ZMYND11: variants seen among roughly 807,000 people sequenced by gnomAD.
The protein encoded by ZMYND11 is zinc finger MYND domain-containing protein 11.
In ZMYND11, 9 loss-of-function variants were observed where a neutral mutation model predicts 84.9. That is an observed-to-expected ratio of 0.11 (90% CI 0.06 to 0.18). The LOEUF (loss-of-function observed/expected upper bound fraction) is 0.18. Among genes scored for constraint, ZMYND11 ranks in the 10% least tolerant of loss-of-function variants. The probability of loss-of-function intolerance (pLI) is 1.00; values close to 1 mark genes in which losing one functional copy is unlikely to be tolerated. For synonymous variants in ZMYND11, 250 were observed against 244.1 expected, an observed-to-expected ratio of 1.02 and a Z score of -0.23; for missense variants, 409 against 761.0, an observed-to-expected ratio of 0.54 and a Z score of 5.44.
chr10:200,789 TGATTTAAGAAGGAAA>T (rs1564370165), intron 2 of ZMYND11, among the ~76,000 whole-genome samples: 1 of 152,228 alleles, frequency 6.6e-6, no homozygotes, highest in African/African-American at 2.4e-5. Context: ...AATATCTTGC[TGATTTAAGAAGGAAA>T]AATTGTTTTC....
intron 6 of ZMYND11, among the ~76,000 whole-genome samples, chr10:239,119 C>G (rs1398332676): frequency 6.6e-6 from 1 of 152,170 alleles, no homozygotes; most frequent in South Asian, 2.1e-4. Flanking sequence ...CCCAAGCATT[C>G]GTGCACTACC....
chr10:237,485 TAAA>T, intron 5 of ZMYND11, 97 bp from the exon 6 acceptor site: 1 of 707,264 alleles, frequency 1.4e-6, no homozygotes, highest in South Asian at 2.5e-5. Context: ...TCTACAAAAA[TAAA>T]AAATAAAAAG....
At chr10:185,823 AAAAAAC>A (rs1564340502) in intron 2 of ZMYND11, among the ~76,000 whole-genome samples, 4 of 150,708 alleles carry the variant, frequency 2.7e-5, no homozygotes, top group Admixed American at 6.6e-5. Flanking sequence ...CAAAAAAACA[AAAAAAC>A]AAAAAAACAA....
intron 2 of ZMYND11, among the ~76,000 whole-genome samples, chr10:202,973 A>G (rs961217266): frequency 6.6e-6 from 1 of 151,950 alleles, no homozygotes; most frequent in African/African-American, 2.4e-5. Context: ...AGTGCCATTA[A>G]AAAAAAACAC....
intron 1 of ZMYND11, among the ~76,000 whole-genome samples, chr10:174,691 T>C (rs1399245919): frequency 2.0e-5 from 3 of 151,838 alleles, no homozygotes; most frequent in Admixed American, 1.3e-4. Flanking sequence ...CATTCATACA[T>C]TGGTCAAAAC....
At position 249,682 on chromosome 10, in the gene ZMYND11, C is replaced by T. The variant is rs573783054; in HGVS notation, c.1686+594C>T. ...TCTGAGTGCACAGGGTCCAAGTGCT[C>T]GTCCTACAGCCGCCACAGTGCTCAG... On this transcript the variant is annotated intron_variant, in intron 14 of 14. Coordinates refer to ENST00000381604, the MANE Select transcript of ZMYND11 (RefSeq NM_001370100.5). 561 of 985,338 alleles carry T rather than the reference C, an allele frequency of 5.7e-4. 2 individuals carry two copies. The African/African-American group carries it at 7.4e-3, about 13-fold the overall frequency. The allele number at this position is 985,338 out of a possible 1,614,324, so 61.0% of individuals were successfully genotyped here.
chr10:202,770 G>A (rs561757447), intron 2 of ZMYND11, among the ~76,000 whole-genome samples: 1 of 152,234 alleles, frequency 6.6e-6, no homozygotes, highest in Non-Finnish European at 1.5e-5. Flanking sequence ...TGACCAGAAT[G>A]TATTGTTTTC....
intron 1 of ZMYND11, among the ~76,000 whole-genome samples, chr10:177,032 GTTCTT>G (rs1554767100): frequency 6.6e-6 from 1 of 152,082 alleles, no homozygotes; most frequent in Non-Finnish European, 1.5e-5. Context: ...TCAAATTGCT[GTTCTT>G]TTCTTATATC....
intron 1 of ZMYND11, among the ~76,000 whole-genome samples, chr10:150,210 T>C (rs1316930642): frequency 3.3e-5 from 5 of 152,240 alleles, no homozygotes; most frequent in African/African-American, 1.2e-4. Context: ...CTTGTACTTC[T>C]GGTAGAATTT....
intron 6 of ZMYND11, among the ~76,000 whole-genome samples, chr10:238,993 T>C (rs1950447604): frequency 6.6e-6 from 1 of 152,188 alleles, no homozygotes; most frequent in South Asian, 2.1e-4. Context: ...ACTATAAATA[T>C]ATCTTAGTAG....
intron 8 of ZMYND11, 43 bp downstream of exon 8, chr10:240,154 AATT>A: frequency 7.0e-7 from 1 of 1,434,622 alleles, no homozygotes; most frequent in Non-Finnish European, 9.6e-7. Context: ...CTATAACTGA[AATT>A]AATTTATTTC....
chr10:202,463 T>C (rs1943374455), intron 2 of ZMYND11, among the ~76,000 whole-genome samples: 1 of 152,202 alleles, frequency 6.6e-6, no homozygotes, highest in Admixed American at 6.5e-5. Flanking sequence ...CGTTAGCCCT[T>C]AGATGACACT....
chr10:178,272 A>G (rs1847100333), intron 1 of ZMYND11, among the ~76,000 whole-genome samples: 1 of 152,198 alleles, frequency 6.6e-6, no homozygotes, highest in Non-Finnish European at 1.5e-5. Flanking sequence ...ATACAGTTTT[A>G]ACTACTTCAT....
At chr10:186,880 A>C (rs948364870) in intron 2 of ZMYND11, among the ~76,000 whole-genome samples, 43 of 152,052 alleles carry the variant, frequency 2.8e-4, no homozygotes, top group African/African-American at 1.0e-3. Flanking sequence ...TTGTCACAAT[A>C]TCTCCCCAAG....
chr10:209,874 T>G lies in ZMYND11; in HGVS notation c.117-15T>G. 1 of 1,578,268 alleles carries G rather than the reference T, an allele frequency of 6.3e-7. No homozygotes were observed. Among genetic ancestry groups the G allele is most frequent in the Non-Finnish European group, 8.6e-7 (1 of 1,161,604 alleles). ...TACTGAAAGATTTTTAAATTTGTTT[T>G]TCCTCTGTGTTCAGGTATATGTCTC... is the stretch of plus-strand genomic sequence containing the variant. On this transcript the variant is annotated splice_polypyrimidine_tract_variant and intron_variant, in intron 2 of 14. Coordinates refer to ENST00000381604, the MANE Select transcript of ZMYND11 (RefSeq NM_001370100.5).
In ZMYND11 at chr10:177,752, C is replaced by T. The variant is rs1846972593; in HGVS notation, c.-19-2242C>T. Among the ~76,000 whole-genome samples, 4 of 152,016 alleles carry T rather than the reference C, an allele frequency of 2.6e-5. No homozygotes were observed. In the South Asian group the frequency reaches 8.3e-4, roughly 31 times the overall value. On this transcript the variant is annotated intron_variant, in intron 1 of 14. Coordinates refer to ENST00000381604, the MANE Select transcript of ZMYND11 (RefSeq NM_001370100.5). ...TTGTGAAAAAAAATTTACAAGTTGA[C>T]TTGTTACCTATACCTATATGTATTA...
At chr10:246,335 T>C (rs950316451) in intron 10 of ZMYND11, among the ~76,000 whole-genome samples, 5 of 152,228 alleles carry the variant, frequency 3.3e-5, no homozygotes, top group Admixed American at 2.0e-4. Flanking sequence ...AGTGATTCTT[T>C]AGTGCTAACG....
At chr10:233,989 A>C (rs1463201003) in intron 4 of ZMYND11, among the ~76,000 whole-genome samples, 1 of 152,238 alleles carries the variant, frequency 6.6e-6, no homozygotes, top group Non-Finnish European at 1.5e-5. Context: ...ATAGAACCTG[A>C]ATATAGACCT....
chr10:220,773 T>C (rs1209169601), intron 3 of ZMYND11, among the ~76,000 whole-genome samples: 1 of 150,118 alleles, frequency 6.7e-6, no homozygotes, highest in Non-Finnish European at 1.5e-5. Flanking sequence ...GTTCCCACAG[T>C]GTGTCAAGGA....
Sources: gnomAD v4.1 joint callset for allele counts (sites outside exome capture counted in the v4.1 genomes callset) on GRCh38, gnomAD v4.1.1 for gene constraint, MANE v1.5 for transcripts, NCBI Gene and HGNC (gene_info 2026-07-23, HGNC 2026-07-21) for gene names.